CDHR3: variants seen among roughly 807,000 people sequenced by gnomAD.
CDHR3 encodes the protein cadherin-related family member 3.
CDHR3 carries 79 observed loss-of-function variants against 86.6 expected under a neutral mutation model. The ratio of observed to expected loss-of-function variants is 0.91; its 90% CI spans 0.76 to 1.10. CDHR3 has a LOEUF of 1.10. CDHR3 is among the 50% of genes least tolerant of loss of function. CDHR3 has a pLI of 0.00. For synonymous variants in CDHR3, 421 were observed against 402.4 expected (o/e 1.05, Z -0.55); for missense variants, 1,081 against 1,077.6 (o/e 1.00, Z -0.04).
At chr7:106,012,548 G>A (rs951938549) in intron 8 of CDHR3, among the ~76,000 whole-genome samples, 5 of 152,086 alleles carry the variant, frequency 3.3e-5, no homozygotes, top group African/African-American at 7.2e-5. Context: ...AGGAAAAGGA[G>A]GGCACGTCAT....
chr7:106,027,622 G>C (rs1332293941), intron 16 of CDHR3: 1 of 452,628 alleles, frequency 2.2e-6, no homozygotes, highest in South Asian at 1.6e-5. Context: ...TCCAGAGTGT[G>C]GGGGAGACAG....
At chr7:105,964,189 A>G (rs1673951482) in intron 1 of CDHR3, among the ~76,000 whole-genome samples, 5 of 152,210 alleles carry the variant, frequency 3.3e-5, no homozygotes, top group South Asian at 2.1e-4. Context: ...TGTTTTTCTT[A>G]GGAGTATTTT....
In CDHR3 at chr7:106,030,922, T is replaced by G; in HGVS notation, c.2353+82T>G. 1 of 1,330,734 alleles carries G rather than the reference T, an allele frequency of 7.5e-7. No individual in the cohort carries two copies. Among genetic ancestry groups the G allele is most frequent in the Non-Finnish European group, 1.1e-6 (1 of 945,062 alleles). The allele number at this position is 1,330,734 out of a possible 1,614,324, so 82.4% of individuals were successfully genotyped here. On this transcript the variant is annotated intron_variant, in intron 18 of 18. Coordinates refer to ENST00000317716, the MANE Select transcript of CDHR3 (RefSeq NM_152750.5). The surrounding 1 kb of genome is among the most constrained non-coding windows in gnomAD (Gnocchi z 4.8). ...GCATGGAGGATCTTATCCAATTTCCTGCTTTTAGCTCATTTTGTCAATCCG... is the reference window on the plus strand; with the variant it reads ...GCATGGAGGATCTTATCCAATTTCCGGCTTTTAGCTCATTTTGTCAATCCG...
At chr7:106,019,901 G>A (rs1164622666) in intron 12 of CDHR3, among the ~76,000 whole-genome samples, 2 of 152,194 alleles carry the variant, frequency 1.3e-5, no homozygotes, top group Non-Finnish European at 2.9e-5. Context: ...AACCATTTCT[G>A]CATATGCCAG....
Position 105,984,250 on chromosome 7 carries a change from C to T in CDHR3, c.474C>T (p.Ala158=), listed in dbSNP as rs1830206592. ...ANPGFIYQVE[A]FDPEDTSRNI... ...CTGGATTCATTTACCAGGTTGAGGC[C>T]TTCGATCCAGAAGACACAAGCCGAA... The change falls in exon 4 of 19, where the codon GCC becomes GCT. Residue 158 remains alanine, a synonymous_variant. Transcript: ENST00000317716. 1 of 1,610,612 alleles carries T rather than the reference C, an allele frequency of 6.2e-7. No homozygotes were observed. Among genetic ancestry groups the T allele is most frequent in the Admixed American group, 1.7e-5 (1 of 59,882 alleles).
intron 13 of CDHR3, among the ~76,000 whole-genome samples, chr7:106,021,783 G>A (rs899918102): frequency 6.6e-6 from 1 of 152,224 alleles, no homozygotes; most frequent in African/African-American, 2.4e-5. Context: ...CTAGGGATGT[G>A]ACCTATTCTA....
chr7:105,970,384 CA>C (rs1378299216), intron 1 of CDHR3, among the ~76,000 whole-genome samples: 13 of 152,336 alleles, frequency 8.5e-5, no homozygotes, highest in African/African-American at 3.1e-4. Flanking sequence ...TAGCCACAAG[CA>C]AGATGTTTCA....
Position 106,001,706 on chromosome 7 carries a change from T to A in CDHR3, c.862+96T>A. On this transcript the variant is annotated intron_variant, in intron 7 of 18. Transcript: ENST00000317716. ...GTCCCTCGTTACCCATGAGAATTGGTTCTAGGATGCACCGTGGATACCAAA... is the reference window on the plus strand; with the variant it reads ...GTCCCTCGTTACCCATGAGAATTGGATCTAGGATGCACCGTGGATACCAAA... 4 of 1,502,466 alleles carry A rather than the reference T, an allele frequency of 2.7e-6. No homozygotes were observed. The South Asian group carries it at 4.9e-5, about 18-fold the overall frequency. The allele number at this position is 1,502,466 out of a possible 1,614,324, so 93.1% of individuals were successfully genotyped here. A position where few individuals can be genotyped will look rare whatever the true frequency, so the allele number is the denominator to read the frequency against.
Position 106,004,523 on chromosome 7 carries a change from A to G in CDHR3, c.888A>G (p.Gln296=), listed in dbSNP as rs1195785381. ...NQLTGTIQVA[Q]RIDRDAGELR... is the part of the protein sequence containing the mutation. ...TGACTGGTACAATCCAAGTGGCCCAAAGGATAGACCGAGATGCAGGTGAAT... is the reference window on the plus strand; with the variant it reads ...TGACTGGTACAATCCAAGTGGCCCAGAGGATAGACCGAGATGCAGGTGAAT... Residue 296 remains glutamine, a synonymous_variant, in exon 8 of 19, where the codon CAA becomes CAG. Transcript: ENST00000317716. The G allele has an allele frequency of 1.9e-6, 3 of 1,614,050 alleles. No individual in the cohort carries two copies.
intron 1 of CDHR3, among the ~76,000 whole-genome samples, chr7:105,963,906 T>A (rs1384573593): frequency 6.6e-6 from 1 of 152,246 alleles, no homozygotes; most frequent in East Asian, 1.9e-4. Flanking sequence ...TCTTAGATGA[T>A]CTTTTTAATG....
At position 106,004,653 on chromosome 7, in the gene CDHR3, G is replaced by A. The variant is rs772674629; in HGVS notation, c.1018G>A (p.Asp340Asn). 8.1e-6 allele frequency: 13 copies of A among 1,613,994 alleles called. No homozygotes were observed. Among genetic ancestry groups the A allele is most frequent in the Middle Eastern group, 1.7e-4 (1 of 6,060 alleles). ...QITFIVEDVN[D>N]NPATCQKFTF... Reference sequence around the variant, plus strand: ...AACCTTCATTGTGGAAGACGTCAACGACAATCCTGCCACATGCCAAAAGTT... The same window carrying A: ...AACCTTCATTGTGGAAGACGTCAACAACAATCCTGCCACATGCCAAAAGTT... Residue 340 changes from aspartate to asparagine, a missense_variant, in exon 8 of 19, where the codon GAC becomes AAC. Transcript: ENST00000317716.
In CDHR3 at chr7:106,033,504, CAAGGTGGGCAGA is replaced by C. The variant is rs1418767648; in HGVS notation, c.*808_*819del. The C allele has an allele frequency of 1.3e-5, 2 of 152,200 alleles. No individual in the cohort carries two copies. The highest frequency in any genetic ancestry group is 2.9e-5 in the Non-Finnish European group (2 of 68,042). The allele number at this position is 152,200 out of a possible 1,614,324, so 9.4% of individuals were successfully genotyped here. A position where few individuals can be genotyped will look rare whatever the true frequency, so the allele number is the denominator to read the frequency against. On this transcript the variant is annotated 3_prime_UTR_variant, in exon 19 of 19. Coordinates refer to ENST00000317716, the MANE Select transcript of CDHR3 (RefSeq NM_152750.5). The stretch of plus-strand genomic sequence containing the variant: ...CATGCCTGTAATGCCAGCACTTTGC[CAAGGTGGGCAGA>C]TCACCTAAGGTCAGGAGTTCAAGAT...
chr7:105,989,898 C>T (rs1831104553), intron 4 of CDHR3, among the ~76,000 whole-genome samples: 1 of 152,196 alleles, frequency 6.6e-6, no homozygotes, highest in African/African-American at 2.4e-5. Context: ...CCCAGTCATT[C>T]AGCTCCCCTG....
chr7:106,029,352 G>A (rs1270902080), intron 17 of CDHR3, among the ~76,000 whole-genome samples: 3 of 152,146 alleles, frequency 2.0e-5, no homozygotes, highest in Admixed American at 2.0e-4. Flanking sequence ...CTGGTCCGGG[G>A]TTGGCTCTAC....
chr7:105,987,243 G>C (rs1830654797), intron 4 of CDHR3, among the ~76,000 whole-genome samples: 1 of 152,154 alleles, frequency 6.6e-6, no homozygotes, highest in Non-Finnish European at 1.5e-5. Flanking sequence ...GCAGCTGCGG[G>C]GGCTTGTGGC....
At chr7:105,971,113 C>A (rs1306877858) in intron 1 of CDHR3, among the ~76,000 whole-genome samples, 1 of 147,556 alleles carries the variant, frequency 6.8e-6, no homozygotes, top group Non-Finnish European at 1.5e-5. Flanking sequence ...TGCATTCCAG[C>A]CTGGGAGACA....
chr7:106,003,213 T>G (rs1181525038), intron 7 of CDHR3, among the ~76,000 whole-genome samples: 12 of 152,102 alleles, frequency 7.9e-5, no homozygotes, highest in Admixed American at 7.9e-4. Context: ...GACTGTTGTA[T>G]GTTTTGTACT....
At chr7:105,982,550 C>T (rs1829929558) in intron 3 of CDHR3, among the ~76,000 whole-genome samples, 1 of 151,966 alleles carries the variant, frequency 6.6e-6, no homozygotes, top group Admixed American at 6.6e-5. Flanking sequence ...ACCCCTCCTC[C>T]TTTCCCCTTC....
chr7:106,019,705 T>C (rs1389686810), intron 12 of CDHR3, among the ~76,000 whole-genome samples: 1 of 152,198 alleles, frequency 6.6e-6, no homozygotes, highest in Non-Finnish European at 1.5e-5. Flanking sequence ...TAGGGCTTAG[T>C]ACAGTGCTAA....
Sources: allele counts gnomAD v4.1 joint callset (sites outside exome capture counted in the v4.1 genomes callset), GRCh38; gene constraint gnomAD v4.1.1; non-coding constraint Gnocchi (gnomAD v3.1); transcripts MANE v1.5; gene names NCBI Gene and HGNC (gene_info 2026-07-23, HGNC 2026-07-21).